BRWD3: variants seen among roughly 807,000 people sequenced by gnomAD.
BRWD3 encodes the protein bromodomain and WD repeat domain containing 3.
Under a neutral mutation model 149.7 loss-of-function variants are expected in BRWD3, and 10 were observed. The ratio of observed to expected loss-of-function variants is 0.07; its 90% CI spans 0.04 to 0.11. The LOEUF is 0.11. Among genes scored for constraint, BRWD3 ranks in the 10% least tolerant of loss-of-function variants. The probability of loss-of-function intolerance (pLI) is 1.00; values close to 1 mark genes in which losing one functional copy is unlikely to be tolerated. For missense variants in BRWD3, 940 were observed against 1,373.2 expected, an observed-to-expected ratio of 0.68 and a Z score of 4.99; for synonymous variants, 504 against 456.7, an observed-to-expected ratio of 1.10 and a Z score of -1.32.
At chrX:80,774,624 G>C (rs1225821849) in intron 6 of BRWD3, among the ~76,000 whole-genome samples, 1 of 111,790 alleles carries the variant, frequency 8.9e-6, no homozygotes, top group Non-Finnish European at 1.9e-5. Context: ...GTATCATAAA[G>C]GAAGATTTCC....
At position 80,772,345 on chromosome X, in the gene BRWD3, A is replaced by G. The variant is rs544901699; in HGVS notation, c.430+19509T>C. On this transcript the variant is annotated intron_variant, in intron 6 of 40. Coordinates refer to ENST00000373275, the MANE Select transcript of BRWD3 (RefSeq NM_153252.5). ...GACATGGATACAGTTGGAAACCATC[A>G]TTCTGAGCAAACTATCATAAGGACA... is the stretch of plus-strand genomic sequence containing the variant. Among the ~76,000 whole-genome samples the G allele has an allele frequency of 7.7e-4, 86 of 111,483 alleles. No homozygotes were observed. In the South Asian group the frequency reaches 0.032, roughly 42 times the overall value.
Position 80,708,126 on chromosome X carries a change from T to C in BRWD3, c.2476-623A>G, listed in dbSNP as rs1321760273. 2.7e-5 allele frequency among the ~76,000 whole-genome samples: 3 copies of C among 112,300 alleles called. No individual in the cohort carries two copies. In the Admixed American group the frequency reaches 2.8e-4, roughly 11 times the overall value. On this transcript the variant is annotated intron_variant, in intron 21 of 40. Transcript: ENST00000373275. ...AAAGGGAGCATCAGGTCAGGTGCAG[T>C]GGCTCAACCCTGTAATCCCAGCACT...
At chrX:80,802,314 C>T (rs936147426) in intron 4 of BRWD3, among the ~76,000 whole-genome samples, 2 of 108,430 alleles carry the variant, frequency 1.8e-5, no homozygotes, top group Non-Finnish European at 3.8e-5. Context: ...TGGTGGCGCA[C>T]GCCTATAATC....
intron 37 of BRWD3, 100 bp downstream of exon 37, chrX:80,683,910 C>T (rs2072488628): frequency 1.2e-6 from 1 of 818,276 alleles, no homozygotes; most frequent in South Asian, 2.2e-5. Flanking sequence ...TTTATGCATG[C>T]CTAACAAGCA....
chrX:80,754,814 C>T (rs2073717966), intron 6 of BRWD3, among the ~76,000 whole-genome samples: 2 of 111,445 alleles, frequency 1.8e-5, no homozygotes, highest in Admixed American at 1.9e-4. Context: ...TGAGACCAGC[C>T]TGGCCAACAT....
At chrX:80,677,565 T>C (rs970863001) in intron 40 of BRWD3, among the ~76,000 whole-genome samples, 2 of 111,130 alleles carry the variant, frequency 1.8e-5, no homozygotes, top group African/African-American at 3.3e-5. Context: ...GAGGAGAATA[T>C]GGGGGTGGAA....
intron 12 of BRWD3, among the ~76,000 whole-genome samples, chrX:80,730,677 A>G (rs1024693983): frequency 5.4e-5 from 6 of 111,862 alleles, no homozygotes; most frequent in African/African-American, 1.9e-4. Flanking sequence ...CATGTAAATT[A>G]TATCTCAATA....
intron 6 of BRWD3, among the ~76,000 whole-genome samples, chrX:80,790,010 C>T (rs868482039): frequency 4.7e-5 from 5 of 106,633 alleles, no homozygotes; most frequent in Middle Eastern, 4.8e-3. Context: ...GAAGCCCCAT[C>T]TCTACTAAAA....
intron 9 of BRWD3, 131 bp from the exon 10 acceptor site, chrX:80,735,328 A>T: frequency 1.9e-6 from 1 of 516,986 alleles, no homozygotes; most frequent in Non-Finnish European, 3.4e-6. Context: ...GTGGTCAATA[A>T]GTACTATTCT....
At chrX:80,703,679 A>G in intron 23 of BRWD3, 86 bp from the exon 24 acceptor site, 1 of 637,276 alleles carries the variant, frequency 1.6e-6, no homozygotes, top group Non-Finnish European at 2.4e-6. Flanking sequence ...GAAAAATAGT[A>G]GGTAGAGAAG....
At chrX:80,688,230 T>C (rs1323943549) in intron 33 of BRWD3, 105 bp from the exon 34 acceptor site, 1 of 621,004 alleles carries the variant, frequency 1.6e-6, no homozygotes, top group African/African-American at 2.2e-5. Flanking sequence ...ACAGTTAACT[T>C]TCCCCACTGG....
At chrX:80,780,191 A>G (rs1457343337) in intron 6 of BRWD3, among the ~76,000 whole-genome samples, 1 of 111,130 alleles carries the variant, frequency 9.0e-6, no homozygotes, top group African/African-American at 3.3e-5. Context: ...TGAAGCATAA[A>G]GTTCTATCTC....
chrX:80,713,482 C>T (rs1170409046), intron 20 of BRWD3, among the ~76,000 whole-genome samples: 2 of 110,178 alleles, frequency 1.8e-5, no homozygotes, highest in Non-Finnish European at 3.8e-5. Context: ...TAAACAGATG[C>T]TTGAAGGCAG....
At chrX:80,803,425 T>C (rs934632334) in intron 4 of BRWD3, among the ~76,000 whole-genome samples, 2 of 111,704 alleles carry the variant, frequency 1.8e-5, no homozygotes, top group African/African-American at 6.5e-5. Flanking sequence ...CTAAGATTAA[T>C]GATAAATCTC....
intron 4 of BRWD3, among the ~76,000 whole-genome samples, chrX:80,801,568 T>G (rs1342989874): frequency 9.2e-6 from 1 of 109,218 alleles, no homozygotes; most frequent in Non-Finnish European, 1.9e-5. Flanking sequence ...AGGCCAGGTG[T>G]GGTGGCTCAC....
intron 20 of BRWD3, among the ~76,000 whole-genome samples, chrX:80,712,197 G>A (rs963651608): frequency 1.8e-5 from 2 of 111,618 alleles, no homozygotes; most frequent in Non-Finnish European, 3.8e-5. Context: ...CTCTGATGCC[G>A]AGCCGAAGCT....
chrX:80,712,521 T>C (rs1450863659), intron 20 of BRWD3, among the ~76,000 whole-genome samples: 2 of 110,885 alleles, frequency 1.8e-5, no homozygotes, highest in African/African-American at 6.6e-5. Context: ...CCCAGCCGCC[T>C]GCCTTGGCCT....
rs756892345 is a variant in BRWD3, at chrX:80,719,526, T to C, written c.2007A>G (p.Pro669=). The C allele has an allele frequency of 1.7e-6, 2 of 1,207,539 alleles. No individual in the cohort carries two copies. The highest frequency in any genetic ancestry group is 3.5e-5 in the African/African-American group (2 of 57,056). Residue 669 remains proline (P), a synonymous_variant, in exon 18 of 41, where the codon CCA becomes CCG. Transcript: ENST00000373275. ...AGTATGCTCTATTAACTGGTAAATGTGGAACATCTCCTTCATTAATTAGTC... is the reference window on the plus strand; with the variant it reads ...AGTATGCTCTATTAACTGGTAAATGCGGAACATCTCCTTCATTAATTAGTC... ...DLRLINEGDV[P]HLPVNRAYSV...
At chrX:80,753,415 G>A (rs752929319) in intron 6 of BRWD3, among the ~76,000 whole-genome samples, 9 of 109,605 alleles carry the variant, frequency 8.2e-5, no homozygotes, top group East Asian at 5.8e-4. Flanking sequence ...GATTACAGGC[G>A]GCTGCCACCA....
Sources: gnomAD v4.1 joint callset for allele counts (sites outside exome capture counted in the v4.1 genomes callset) on GRCh38, gnomAD v4.1.1 for gene constraint, MANE v1.5 for transcripts, NCBI Gene and HGNC (gene_info 2026-07-23, HGNC 2026-07-21) for gene names.